The following GLYATL3 variants were observed in gnomAD, a reference collection of about 807,000 sequenced individuals.
The protein encoded by GLYATL3 is glycine N-acyltransferase-like protein 3.
In GLYATL3, 31 loss-of-function variants were observed where a neutral mutation model predicts 28.5. The observed-to-expected ratio is 1.09, with a 90% CI of 0.82 to 1.47. The LOEUF is 1.47. Ranked by LOEUF, GLYATL3 falls within the 40% of genes most tolerant of loss-of-function variation. The pLI is 0.00. For synonymous variants in GLYATL3, 141 were observed against 140.2 expected, an observed-to-expected ratio of 1.01 and a Z score of -0.04; for missense variants, 369 against 351.5, an observed-to-expected ratio of 1.05 and a Z score of -0.40.
chr6:49,502,468 T>C (rs1175845247), intron 1 of GLYATL3, among the ~76,000 whole-genome samples: 3 of 152,236 alleles, frequency 2.0e-5, no homozygotes, highest in Non-Finnish European at 2.9e-5. Context: ...TGATTCCCAA[T>C]TGTGAACAGA....
chr6:49,514,769 G>C (rs1769183537), intron 2 of GLYATL3, among the ~76,000 whole-genome samples: 1 of 152,152 alleles, frequency 6.6e-6, no homozygotes, highest in Admixed American at 6.5e-5. Context: ...GGAGGCGGAG[G>C]TTGCAGTGAG....
intron 1 of GLYATL3, among the ~76,000 whole-genome samples, chr6:49,509,064 G>T (rs963187767): frequency 6.6e-6 from 1 of 152,136 alleles, no homozygotes; most frequent in Non-Finnish European, 1.5e-5. Context: ...ACAAGTAAAT[G>T]TTAGAAGAAA....
chr6:49,514,118 C>G (rs562800998), intron 2 of GLYATL3, among the ~76,000 whole-genome samples: 2 of 152,260 alleles, frequency 1.3e-5, no homozygotes, highest in South Asian at 4.2e-4. Flanking sequence ...ATAACATCCA[C>G]TACTACAGAG....
chr6:49,512,115 C>A, intron 2 of GLYATL3, 47 bp downstream of exon 2: 1 of 900,224 alleles, frequency 1.1e-6, no homozygotes, highest in South Asian at 1.7e-5. Flanking sequence ...TTGTGTTAAT[C>A]TGTAAAATAA....
chr6:49,514,019 C>T (rs1407299173), intron 2 of GLYATL3, among the ~76,000 whole-genome samples: 2 of 152,112 alleles, frequency 1.3e-5, no homozygotes, highest in Non-Finnish European at 2.9e-5. Context: ...AAAACAAAGT[C>T]CATTGAAATC....
At chr6:49,500,200 C>T (rs542922496) in intron 1 of GLYATL3, among the ~76,000 whole-genome samples, 158 bp downstream of exon 1, 7 of 151,930 alleles carry the variant, frequency 4.6e-5, no homozygotes, top group South Asian at 2.1e-4. Flanking sequence ...TGTTTCTTGG[C>T]GTGTTTTTGT....
chr6:49,508,480 C>T (rs1367007460), intron 1 of GLYATL3, among the ~76,000 whole-genome samples: 2 of 152,106 alleles, frequency 1.3e-5, no homozygotes, highest in Non-Finnish European at 2.9e-5. Flanking sequence ...AGGGAGTATG[C>T]CTTAACCCTA....
At chr6:49,517,317 A>T in intron 3 of GLYATL3, 113 bp from the exon 4 acceptor site, 1 of 821,908 alleles carries the variant, frequency 1.2e-6, no homozygotes, top group Non-Finnish European at 1.8e-6. Flanking sequence ...TAATTTTGTT[A>T]GCCACCTATA....
intron 1 of GLYATL3, among the ~76,000 whole-genome samples, chr6:49,509,635 C>A (rs1769076880): frequency 6.6e-6 from 1 of 152,186 alleles, no homozygotes; most frequent in Non-Finnish European, 1.5e-5. Flanking sequence ...CCCTGTTCAA[C>A]CTTAGCTGGA....
At chr6:49,509,648 C>T (rs867101784) in intron 1 of GLYATL3, among the ~76,000 whole-genome samples, 5 of 152,178 alleles carry the variant, frequency 3.3e-5, no homozygotes, top group Admixed American at 1.3e-4. Flanking sequence ...TAGCTGGAAA[C>T]ATGTGAGTTA....
Position 49,526,532 on chromosome 6 carries a change from C to A in GLYATL3, c.485C>A (p.Ala162Glu), listed in dbSNP as rs1453059002. 4 of 1,551,712 alleles carry A rather than the reference C, an allele frequency of 2.6e-6. No individual in the cohort carries two copies. Among genetic ancestry groups the A allele is most frequent in the South Asian group, 1.2e-5 (1 of 84,048 alleles). ...CTAACCTACCTGAGTGTTGCCAATG[C>A]GGATCTACTCAACCGGACTTGGTCC... is the stretch of plus-strand genomic sequence containing the variant. ...PRLTYLSVAN[A>E]DLLNRTWSRG... Residue 162 changes from alanine (A) to glutamate (E), a missense_variant, in exon 6 of 6, where the codon GCG (alanine) becomes GAG (glutamate). Physicochemically the swap from Ala to Glu is moderately radical, Grantham distance 107 (BLOSUM62 -1). Transcript: ENST00000371197.
intron 5 of GLYATL3, among the ~76,000 whole-genome samples, chr6:49,523,719 G>A (rs955700195): frequency 4.6e-5 from 7 of 152,100 alleles, no homozygotes; most frequent in South Asian, 2.1e-4. Flanking sequence ...CGATATTGTC[G>A]TAATATTTTT....
chr6:49,511,413 G>T (rs534573643), intron 1 of GLYATL3, among the ~76,000 whole-genome samples: 1 of 151,842 alleles, frequency 6.6e-6, no homozygotes, highest in Admixed American at 6.6e-5. Context: ...TCCTCATAAC[G>T]ACCCGACCCA....
In GLYATL3 at chr6:49,527,108, G is replaced by T; in HGVS notation, c.*194G>T. 1.8e-6 allele frequency: 1 copy of T among 544,732 alleles called. No individual in the cohort carries two copies. 33.7% of individuals were successfully genotyped at this position (544,732 alleles called of 1,614,324 possible). A position where few individuals can be genotyped will look rare whatever the true frequency, so the allele number is the denominator to read the frequency against. ...AGGTTTCTCCAGTAAATAGCTGTGG[G>T]GGTGAAGAGTAGCTGTGGCTGAAGA... On this transcript the variant is annotated 3_prime_UTR_variant, in exon 6 of 6. Coordinates refer to ENST00000371197, the MANE Select transcript of GLYATL3 (RefSeq NM_001010904.2).
Position 49,524,552 on chromosome 6 carries a change from T to C in GLYATL3, c.441-1936T>C, listed in dbSNP as rs1382964419. Among the ~76,000 whole-genome samples the C allele has an allele frequency of 2.0e-5, 3 of 152,208 alleles. No individual in the cohort carries two copies. The East Asian group carries it at 5.8e-4, about 29-fold the overall frequency. Reference sequence around the variant, plus strand: ...CTTTATCTTAATATCAGGGGCTTTATATAGTAAACTAATAAAAACTTTCAT... The same window carrying C: ...CTTTATCTTAATATCAGGGGCTTTACATAGTAAACTAATAAAAACTTTCAT... On this transcript the variant is annotated intron_variant, in intron 5 of 5. Transcript: ENST00000371197.
At chr6:49,511,365 ATTC>A (rs1485782501) in intron 1 of GLYATL3, among the ~76,000 whole-genome samples, 1 of 151,902 alleles carries the variant, frequency 6.6e-6, no homozygotes, top group Non-Finnish European at 1.5e-5. Flanking sequence ...ACCACTTCTG[ATTC>A]TTCATCTTCA....
At chr6:49,503,550 T>C (rs969490809) in intron 1 of GLYATL3, among the ~76,000 whole-genome samples, 5 of 152,226 alleles carry the variant, frequency 3.3e-5, no homozygotes, top group African/African-American at 1.2e-4. Context: ...ACAATCTCTG[T>C]GACCTTGAGA....
intron 4 of GLYATL3, among the ~76,000 whole-genome samples, chr6:49,518,688 C>G (rs1306028219): frequency 6.6e-6 from 1 of 152,098 alleles, no homozygotes; most frequent in Non-Finnish European, 1.5e-5. Context: ...CACCTGTAAT[C>G]CCAGCACTTT....
intron 2 of GLYATL3, among the ~76,000 whole-genome samples, chr6:49,514,157 T>A (rs1185843291): frequency 6.6e-6 from 1 of 152,186 alleles, no homozygotes; most frequent in Non-Finnish European, 1.5e-5. Flanking sequence ...CGTCACTCCT[T>A]CCCACCTGCA....
Sources: allele counts gnomAD v4.1 joint callset (sites outside exome capture counted in the v4.1 genomes callset), GRCh38; gene constraint gnomAD v4.1.1; transcripts MANE v1.5; gene names NCBI Gene and HGNC (gene_info 2026-07-23, HGNC 2026-07-21).